CACNA1C: variants seen among roughly 807,000 people sequenced by gnomAD.
The protein encoded by CACNA1C is calcium voltage-gated channel subunit alpha1 C.
Under a neutral mutation model 229.0 loss-of-function variants are expected in CACNA1C, and 30 were observed. The observed-to-expected ratio is 0.13, with a 90% CI of 0.10 to 0.18. The LOEUF is 0.18. Ranked by LOEUF, CACNA1C falls within the 10% of genes least tolerant of loss-of-function variation. The probability of loss-of-function intolerance (pLI) is 1.00; values close to 1 mark genes in which losing one functional copy is unlikely to be tolerated. For synonymous variants in CACNA1C, 1,114 were observed against 1,132.5 expected (o/e 0.98, Z 0.33); for missense variants, 1,658 against 2,845.0 (o/e 0.58, Z 9.49).
chr12:2,555,411 T>C (rs190568617), intron 10 of CACNA1C, among the ~76,000 whole-genome samples: 2 of 152,334 alleles, frequency 1.3e-5, no homozygotes, highest in East Asian at 3.9e-4. Flanking sequence ...CTGAAGTCCA[T>C]GGTCACCCAC....
Position 2,674,747 on chromosome 12 carries a change from T to G in CACNA1C, c.4828+105T>G. 4.6e-6 allele frequency: 5 copies of G among 1,092,104 alleles called. No homozygotes were observed. The South Asian group carries it at 8.1e-5, about 18-fold the overall frequency. The allele number at this position is 1,092,104 out of a possible 1,614,324, so 67.7% of individuals were successfully genotyped here. A position where few individuals can be genotyped will look rare whatever the true frequency, so the allele number is the denominator to read the frequency against. ...ACCCTTAGAATGCGGAAGCATCCCC[T>G]GAGACTTGCTTCTTGAGTCCCCTAG... On this transcript the variant is annotated intron_variant, in intron 39 of 46. Transcript: ENST00000399655.
chr12:2,184,545 C>G (rs1259284441), intron 3 of CACNA1C, among the ~76,000 whole-genome samples: 1 of 152,214 alleles, frequency 6.6e-6, no homozygotes, highest in East Asian at 1.9e-4. Flanking sequence ...GTGTTTGCCT[C>G]TCTGATGAGG....
chr12:2,206,290 A>G (rs1433805158), intron 3 of CACNA1C, among the ~76,000 whole-genome samples: 3 of 152,218 alleles, frequency 2.0e-5, no homozygotes, highest in Non-Finnish European at 2.9e-5. Context: ...TTGTATTTTC[A>G]GAAGTGCAGA....
In CACNA1C at chr12:2,144,657, G is replaced by GA. The variant is rs1260384970; in HGVS notation, c.477+24233dup. On this transcript the variant is annotated intron_variant, in intron 3 of 46. Transcript: ENST00000399655. The stretch of plus-strand genomic sequence containing the variant: ...AAGTTAATATTTTACGCGTGCTACT[G>GA]AAAAAACAAAACCCAAACTAATGAT... Among the ~76,000 whole-genome samples the GA allele has an allele frequency of 2.6e-5, 4 of 151,358 alleles. No homozygotes were observed. In the South Asian group the frequency reaches 8.4e-4, roughly 32 times the overall value.
At chr12:2,629,682 G>A (rs2089390672) in intron 29 of CACNA1C, among the ~76,000 whole-genome samples, 1 of 152,222 alleles carries the variant, frequency 6.6e-6, no homozygotes, top group Non-Finnish European at 1.5e-5. Context: ...CTTTTCACCA[G>A]TATGCTGCCT....
At chr12:2,606,956 G>A in intron 25 of CACNA1C, 28 bp from the exon 26 acceptor site, 1 of 1,610,878 alleles carries the variant, frequency 6.2e-7, no homozygotes, top group Non-Finnish European at 8.5e-7. Context: ...GGAGATCCCA[G>A]AGTAAACTCC....
At chr12:2,501,114 C>A (rs1213564397) in intron 7 of CACNA1C, among the ~76,000 whole-genome samples, 2 of 138,950 alleles carry the variant, frequency 1.4e-5, no homozygotes, top group African/African-American at 5.6e-5. Context: ...GAGGCTGAGG[C>A]AGGAGAATGG....
intron 1 of CACNA1C, among the ~76,000 whole-genome samples, chr12:2,093,566 T>A (rs188398228): frequency 2.0e-5 from 3 of 152,336 alleles, no homozygotes; most frequent in Admixed American, 2.0e-4. Context: ...CCTGCGTGCA[T>A]GTACTCAAGG....
intron 5 of CACNA1C, among the ~76,000 whole-genome samples, chr12:2,472,719 G>C (rs1347909812): frequency 6.6e-6 from 1 of 151,876 alleles, no homozygotes; most frequent in Non-Finnish European, 1.5e-5. Context: ...TTTTTTCCTT[G>C]ACTATCACAT....
In CACNA1C at chr12:2,493,093, C is replaced by G. The variant is rs1597978978; in HGVS notation, c.917-97C>G. ...GCCATGGTTGCTTTGCCCATCCCATCAACCTCATCCTGTCACTTTTCTCTC... is the reference window on the plus strand; with the variant it reads ...GCCATGGTTGCTTTGCCCATCCCATGAACCTCATCCTGTCACTTTTCTCTC... On this transcript the variant is annotated intron_variant, in intron 6 of 46. Transcript: ENST00000399655. This position sits in a 1 kb window ranked among gnomAD's most constrained non-coding sequence, Gnocchi z 4.6. 4.9e-6 allele frequency: 5 copies of G among 1,025,448 alleles called. No homozygotes were observed. In the Admixed American group the frequency reaches 1.1e-4, roughly 22 times the overall value. 63.5% of individuals were successfully genotyped at this position (1,025,448 alleles called of 1,614,324 possible).
intron 3 of CACNA1C, among the ~76,000 whole-genome samples, chr12:2,207,029 T>A (rs10848635): frequency 0.34 from 51,827 of 152,144 alleles, 9,318 homozygotes; most frequent in South Asian, 0.39. Context: ...TGTGGGAATC[T>A]CTTGTGGGTG....
At position 2,488,503 on chromosome 12, in the gene CACNA1C, G is replaced by A. The variant is rs1368390374; in HGVS notation, c.916+2241G>A. 6.6e-6 allele frequency among the ~76,000 whole-genome samples: 1 copy of A among 152,200 alleles called. No individual in the cohort carries two copies. The highest frequency in any genetic ancestry group is 1.9e-4 in the East Asian group (1 of 5,198). On this transcript the variant is annotated intron_variant, in intron 6 of 46. Coordinates refer to ENST00000399655, the MANE Select transcript of CACNA1C (RefSeq NM_000719.7). This position sits in a 1 kb window ranked among gnomAD's most constrained non-coding sequence, Gnocchi z 4.0. ...AAGACTTGGCCTCCCCAATTGGAAT[G>A]GCCAATTTAGGATCACATTGTCCAC...
At chr12:2,370,505 CTT>C (rs2097839997) in intron 3 of CACNA1C, among the ~76,000 whole-genome samples, 1 of 152,154 alleles carries the variant, frequency 6.6e-6, no homozygotes, top group African/African-American at 2.4e-5. Context: ...GCTAATAAAA[CTT>C]ATGTTTTTGA....
chr12:2,204,440 T>C (rs1222510688), intron 3 of CACNA1C, among the ~76,000 whole-genome samples: 2 of 151,858 alleles, frequency 1.3e-5, no homozygotes, highest in African/African-American at 2.4e-5. Flanking sequence ...ATCCCATTAC[T>C]GGATATATAC....
Position 2,053,419 on chromosome 12 carries a change from A to C in CACNA1C, c.-144A>C. On this transcript the variant is annotated 5_prime_UTR_variant, in exon 1 of 47. Transcript: ENST00000399655. The surrounding 1 kb of genome is among the most constrained non-coding windows in gnomAD (Gnocchi z 5.8). ...ATCAGGTAATCGTCGGCGGGGAAGA[A>C]GAAACGCTGCAGACCACGGCTTCCT... 1 of 1,413,786 alleles carries C rather than the reference A, an allele frequency of 7.1e-7. No individual in the cohort carries two copies. The highest frequency in any genetic ancestry group is 9.3e-7 in the Non-Finnish European group (1 of 1,077,682). 87.6% of individuals were successfully genotyped at this position (1,413,786 alleles called of 1,614,324 possible). A position where few individuals can be genotyped will look rare whatever the true frequency, so the allele number is the denominator to read the frequency against.
chr12:2,298,565 G>A (rs2094286119), intron 3 of CACNA1C, among the ~76,000 whole-genome samples: 1 of 152,090 alleles, frequency 6.6e-6, no homozygotes, highest in Non-Finnish European at 1.5e-5. Context: ...CCAGAGTGCT[G>A]GGATTACAGG....
intron 9 of CACNA1C, among the ~76,000 whole-genome samples, chr12:2,526,922 C>G (rs560586714): frequency 2.6e-5 from 4 of 152,226 alleles, no homozygotes; most frequent in Admixed American, 2.6e-4. Flanking sequence ...AGCCACTGGA[C>G]AGAAGAGCTT....
At chr12:2,584,959 C>T (rs1019993581) in intron 16 of CACNA1C, among the ~76,000 whole-genome samples, 1 of 152,178 alleles carries the variant, frequency 6.6e-6, no homozygotes, top group Non-Finnish European at 1.5e-5. Flanking sequence ...AGAGGGAGTC[C>T]TCCTCACTAC....
Position 2,053,955 on chromosome 12 carries a change from C to G in CACNA1C, c.49+344C>G, listed in dbSNP as rs1371682788. On this transcript the variant is annotated intron_variant, in intron 1 of 46. Transcript: ENST00000399655. The surrounding 1 kb of genome is among the most constrained non-coding windows in gnomAD (Gnocchi z 5.8). ...CCGCCTGGAGAGCCCGGCTGCCTGG[C>G]CAGCCGCGCGGGGGGCAGAGGGCGC... Among the ~76,000 whole-genome samples, 1 of 149,670 alleles carries G rather than the reference C, an allele frequency of 6.7e-6. No individual in the cohort carries two copies. The highest frequency in any genetic ancestry group is 2.0e-4 in the East Asian group (1 of 5,124).
Sources: gnomAD v4.1 joint callset for allele counts (sites outside exome capture counted in the v4.1 genomes callset) on GRCh38, gnomAD v4.1.1 for gene constraint, Gnocchi (gnomAD v3.1) non-coding constraint, MANE v1.5 for transcripts, NCBI Gene and HGNC (gene_info 2026-07-23, HGNC 2026-07-21) for gene names.